The following HPD variants were observed in gnomAD, a reference collection of about 807,000 sequenced individuals.
The protein encoded by HPD is 4-hydroxyphenylpyruvic acid oxidase.
In HPD, 35 loss-of-function variants were observed where a neutral mutation model predicts 56.9. The observed-to-expected ratio is 0.62, with a 90% CI of 0.47 to 0.82. HPD has a LOEUF of 0.82. HPD is among the 40% of genes least tolerant of loss of function. HPD has a pLI of 0.00. For synonymous variants in HPD, 186 were observed against 200.2 expected (o/e 0.93, Z 0.60); for missense variants, 442 against 506.8 (o/e 0.87, Z 1.23).
At position 121,839,550 on chromosome 12, in the gene HPD, G is replaced by T. The variant is rs145364058; in HGVS notation, c.*178C>A. On this transcript the variant is annotated 3_prime_UTR_variant, in exon 14 of 14. Coordinates refer to ENST00000289004, the MANE Select transcript of HPD (RefSeq NM_002150.3). ...TATTGGACCGGGGCACGCTTTAATC[G>T]GGAGGGCTGGAGCAGAGGGCGGCCC... 8 of 633,432 alleles carry T rather than the reference G, an allele frequency of 1.3e-5. No homozygotes were observed. In the African/African-American group the frequency reaches 1.5e-4, roughly 12 times the overall value. 39.2% of individuals were successfully genotyped at this position (633,432 alleles called of 1,614,324 possible). A position where few individuals can be genotyped will look rare whatever the true frequency, so the allele number is the denominator to read the frequency against.
chr12:121,846,355 T>C (rs544369727), intron 11 of HPD, among the ~76,000 whole-genome samples: 4 of 152,274 alleles, frequency 2.6e-5, no homozygotes, highest in East Asian at 3.9e-4. Flanking sequence ...AAGCTGGGAT[T>C]ACAGGTGCCC....
At chr12:121,883,285 G>T in the HPD span, among the ~76,000 whole-genome samples, 1 of 150,590 alleles carries the variant, frequency 6.6e-6, no homozygotes, top group Non-Finnish European at 1.5e-5. Flanking sequence ...GAGATCAGGA[G>T]TCTTAAAGGC....
rs1257385730 is a variant in HPD, at chr12:121,856,577, C to G, written c.241+6G>C. The G allele has an allele frequency of 1.9e-6, 3 of 1,613,964 alleles. No homozygotes were observed. Among genetic ancestry groups the G allele is most frequent in the Admixed American group, 1.7e-5 (1 of 59,974 alleles). On this transcript the variant is annotated splice_donor_region_variant and intron_variant, in intron 5 of 13. Transcript: ENST00000289004. ...GCCATGCGTCCACCCTCCCCGGGCA[C>G]CTCACCTTTGTTCCAGGGGTTGAGC...
At chr12:121,855,180 A>G (rs1396908539) in intron 6 of HPD, among the ~76,000 whole-genome samples, 1 of 152,212 alleles carries the variant, frequency 6.6e-6, no homozygotes, top group Non-Finnish European at 1.5e-5. Flanking sequence ...GACAGTGCTT[A>G]TATCATGCAC....
intron 12 of HPD, among the ~76,000 whole-genome samples, chr12:121,842,691 A>T (rs1258287027): frequency 6.6e-6 from 1 of 150,730 alleles, no homozygotes; most frequent in Non-Finnish European, 1.5e-5. Flanking sequence ...TGGCCTCCCA[A>T]AGTGCTGGGA....
At chr12:121,878,342 G>A in the HPD span, among the ~76,000 whole-genome samples, 1 of 151,974 alleles carries the variant, frequency 6.6e-6, no homozygotes, top group Non-Finnish European at 1.5e-5. Context: ...CAGCTATGTG[G>A]TTTTTTGTTT....
upstream of HPD, among the ~76,000 whole-genome samples, chr12:121,862,112 C>T (rs1191481722): frequency 1.3e-5 from 2 of 152,140 alleles, no homozygotes; most frequent in Non-Finnish European, 2.9e-5. Context: ...CAAAATTGCT[C>T]CACTCAACAC....
intron 12 of HPD, 76 bp downstream of exon 12, chr12:121,843,632 TGA>T: frequency 6.4e-7 from 1 of 1,566,198 alleles, no homozygotes; most frequent in Non-Finnish European, 8.7e-7. Flanking sequence ...CCCTCCGGGC[TGA>T]GACAATATTT....
the HPD span, among the ~76,000 whole-genome samples, chr12:121,888,217 T>A: frequency 6.6e-6 from 1 of 152,174 alleles, no homozygotes; most frequent in Non-Finnish European, 1.5e-5. Context: ...AGTATATGGC[T>A]CATAGGAATC....
chr12:121,849,187 T>A, intron 8 of HPD, 111 bp from the exon 9 acceptor site: 1 of 726,996 alleles, frequency 1.4e-6, no homozygotes, highest in Non-Finnish European at 2.5e-6. Flanking sequence ...TGGAGTTCTA[T>A]TTTTTTGTAG....
chr12:121,880,278 T>C, the HPD span, among the ~76,000 whole-genome samples: 2 of 151,972 alleles, frequency 1.3e-5, no homozygotes, highest in Non-Finnish European at 2.9e-5. Context: ...TCTCGGCTCA[T>C]TGCAACCTCT....
At position 121,856,635 on chromosome 12, in the gene HPD, G is replaced by A; in HGVS notation, c.199-10C>T. Reference sequence around the variant, plus strand: ...AGAGGACAAACACAATCTAAGATAGGAGGAGAAGGAGGTGAGGCTAGTGGC... The same window carrying A: ...AGAGGACAAACACAATCTAAGATAGAAGGAGAAGGAGGTGAGGCTAGTGGC... On this transcript the variant is annotated splice_polypyrimidine_tract_variant and intron_variant, in intron 4 of 13. Coordinates refer to ENST00000289004, the MANE Select transcript of HPD (RefSeq NM_002150.3). 1 of 1,614,046 alleles carries A rather than the reference G, an allele frequency of 6.2e-7. No individual in the cohort carries two copies. Among genetic ancestry groups the A allele is most frequent in the South Asian group, 1.1e-5 (1 of 91,072 alleles).
intron 8 of HPD, among the ~76,000 whole-genome samples, chr12:121,849,421 G>A (rs927352737): frequency 1.4e-4 from 21 of 152,060 alleles, no homozygotes; most frequent in African/African-American, 4.3e-4. Flanking sequence ...TGAAGAAACT[G>A]AGGCCTAGAG....
chr12:121,840,672 G>A (rs1877377507), intron 12 of HPD, among the ~76,000 whole-genome samples: 1 of 152,022 alleles, frequency 6.6e-6, no homozygotes. Flanking sequence ...GAACCCTCAT[G>A]TACTGCTGGT....
the HPD span, among the ~76,000 whole-genome samples, chr12:121,879,742 ATGATT>A: frequency 6.6e-6 from 1 of 152,204 alleles, no homozygotes; most frequent in Middle Eastern, 3.2e-3. Flanking sequence ...AATGATACAT[ATGATT>A]TGATACTTAT....
At chr12:121,880,099 A>C in the HPD span, among the ~76,000 whole-genome samples, 2 of 150,830 alleles carry the variant, frequency 1.3e-5, no homozygotes, top group South Asian at 4.2e-4. Flanking sequence ...GTGAGCCATG[A>C]TTGCACCACT....
chr12:121,850,159 G>A (rs1191648354), intron 7 of HPD, among the ~76,000 whole-genome samples: 1 of 151,980 alleles, frequency 6.6e-6, no homozygotes, highest in Admixed American at 6.6e-5. Context: ...CGGTGGCTTA[G>A]GCCTGTAATC....
At chr12:121,869,730 G>T in the HPD span, among the ~76,000 whole-genome samples, 4 of 152,024 alleles carry the variant, frequency 2.6e-5, no homozygotes, top group Non-Finnish European at 5.9e-5. Context: ...TCACCATGTT[G>T]CCCAGGCTGG....
At chr12:121,869,258 G>A in the HPD span, among the ~76,000 whole-genome samples, 4 of 151,610 alleles carry the variant, frequency 2.6e-5, no homozygotes, top group African/African-American at 9.7e-5. Flanking sequence ...ACTGAGGCAG[G>A]AGAATCGCTT....
Sources: allele counts gnomAD v4.1 joint callset (sites outside exome capture counted in the v4.1 genomes callset), GRCh38; gene constraint gnomAD v4.1.1; transcripts MANE v1.5; gene names NCBI Gene and HGNC (gene_info 2026-07-23, HGNC 2026-07-21).